The following FHIT variants were observed in gnomAD, a reference collection of about 807,000 sequenced individuals.
FHIT encodes the protein fragile histidine triad diadenosine triphosphatase.
In FHIT, 19 loss-of-function variants were observed where a neutral mutation model predicts 17.9. The ratio of observed to expected loss-of-function variants is 1.06; its 90% CI spans 0.74 to 1.56. The LOEUF is 1.56. FHIT is among the 40% of genes most tolerant of loss of function. The pLI is 0.00. For synonymous variants in FHIT, 81 were observed against 69.7 expected, an observed-to-expected ratio of 1.16 and a Z score of -0.81; for missense variants, 248 against 189.2, an observed-to-expected ratio of 1.31 and a Z score of -1.82.
At chr3:60,096,504 T>C (rs1469510535) in intron 5 of FHIT, among the ~76,000 whole-genome samples, 1 of 152,136 alleles carries the variant, frequency 6.6e-6, no homozygotes, top group East Asian at 1.9e-4. Context: ...GGACCAGCAG[T>C]CTGGTCTTTC....
At chr3:60,484,442 A>T (rs2033749626) in intron 5 of FHIT, among the ~76,000 whole-genome samples, 1 of 152,200 alleles carries the variant, frequency 6.6e-6, no homozygotes, top group South Asian at 2.1e-4. Context: ...ACAGTAACCA[A>T]AACAGCATGG....
At chr3:60,789,175 T>TATATATATAGAGAG (rs1433649739) in intron 4 of FHIT, among the ~76,000 whole-genome samples, 2 of 102,636 alleles carry the variant, frequency 1.9e-5, no homozygotes, top group African/African-American at 6.9e-5. Flanking sequence ...TATATATATA[T>TATATATATAGAGAG]AGAGAGAGAG....
chr3:59,874,354 A>C (rs1044139242), intron 8 of FHIT, among the ~76,000 whole-genome samples: 3 of 152,236 alleles, frequency 2.0e-5, no homozygotes, highest in Non-Finnish European at 4.4e-5. Flanking sequence ...AAATTGATCC[A>C]TAATTTCGAC....
chr3:59,815,916 C>T (rs539287101), intron 8 of FHIT, among the ~76,000 whole-genome samples: 8 of 152,098 alleles, frequency 5.3e-5, no homozygotes, highest in African/African-American at 1.9e-4. Flanking sequence ...TCAGCTAGAG[C>T]CAAGCAGAAA....
chr3:60,266,385 G>A (rs114929789), intron 5 of FHIT, among the ~76,000 whole-genome samples: 35 of 152,134 alleles, frequency 2.3e-4, no homozygotes, highest in African/African-American at 8.2e-4. Context: ...AATGCCCAGG[G>A]CCGCGGAGGG....
chr3:60,247,421 A>T (rs1315594209), intron 5 of FHIT, among the ~76,000 whole-genome samples: 1 of 145,174 alleles, frequency 6.9e-6, no homozygotes, highest in Non-Finnish European at 1.6e-5. Context: ...AGAAGGAAGA[A>T]GATGATGAAG....
At chr3:60,580,667 C>T (rs1430666954) in intron 4 of FHIT, among the ~76,000 whole-genome samples, 2 of 151,914 alleles carry the variant, frequency 1.3e-5, no homozygotes, top group Non-Finnish European at 2.9e-5. Flanking sequence ...ATTAAAAATC[C>T]CAAGTTTGAG....
chr3:60,381,711 C>A (rs574126098), intron 5 of FHIT, among the ~76,000 whole-genome samples: 107 of 152,220 alleles, frequency 7.0e-4, no homozygotes, highest in African/African-American at 2.5e-3. Flanking sequence ...TTTCTAGTAT[C>A]AACTGGTATA....
At chr3:60,376,374 A>G (rs1700563262) in intron 5 of FHIT, among the ~76,000 whole-genome samples, 1 of 152,236 alleles carries the variant, frequency 6.6e-6, no homozygotes, top group Non-Finnish European at 1.5e-5. Flanking sequence ...GAAGACTGGA[A>G]TACTGTTTAC....
intron 5 of FHIT, among the ~76,000 whole-genome samples, chr3:60,162,546 G>C (rs1425575994): frequency 6.6e-6 from 1 of 152,146 alleles, no homozygotes; most frequent in African/African-American, 2.4e-5. Flanking sequence ...GTTTTCTTCT[G>C]ATAGTGCTAT....
At chr3:60,466,388 T>G (rs2032793638) in intron 5 of FHIT, among the ~76,000 whole-genome samples, 4 of 152,222 alleles carry the variant, frequency 2.6e-5, no homozygotes, top group Admixed American at 6.5e-5. Context: ...GTCTGATTTC[T>G]CTAGCTATGA....
chr3:60,557,048 A>G (rs565812927), intron 4 of FHIT, among the ~76,000 whole-genome samples: 1 of 152,360 alleles, frequency 6.6e-6, no homozygotes, highest in African/African-American at 2.4e-5. Context: ...TTTGTTAACC[A>G]TACTAATAAG....
intron 5 of FHIT, among the ~76,000 whole-genome samples, chr3:60,335,558 C>T (rs1394956065): frequency 4.6e-5 from 7 of 152,216 alleles, no homozygotes; most frequent in South Asian, 4.1e-4. Context: ...ACAGTGTATG[C>T]GGTTCAGGAG....
chr3:61,049,065 T>C (rs1173300358), intron 2 of FHIT, among the ~76,000 whole-genome samples: 1 of 151,968 alleles, frequency 6.6e-6, no homozygotes, highest in Non-Finnish European at 1.5e-5. Flanking sequence ...ACATGGTACA[T>C]GTATACATAT....
intron 4 of FHIT, among the ~76,000 whole-genome samples, chr3:60,569,757 T>TATATATATATATATA (rs1449802542): frequency 9.2e-5 from 2 of 21,702 alleles, no homozygotes; most frequent in Admixed American, 3.7e-4. Flanking sequence ...ATATATATAT[T>TATATATATATATATA]TTTTTTTTTT....
intron 5 of FHIT, among the ~76,000 whole-genome samples, chr3:60,066,537 C>G (rs373337043): frequency 1.3e-5 from 2 of 151,372 alleles, no homozygotes; most frequent in East Asian, 3.9e-4. Context: ...CCCGCCCTCT[C>G]AAAACGCCAA....
intron 3 of FHIT, among the ~76,000 whole-genome samples, chr3:60,946,108 G>A (rs146792275): frequency 6.6e-6 from 1 of 152,286 alleles, no homozygotes; most frequent in East Asian, 1.9e-4. Context: ...GCTGAGCAAG[G>A]AGGAAAGTGA....
At chr3:60,243,019 G>C (rs1178976389) in intron 5 of FHIT, among the ~76,000 whole-genome samples, 1 of 150,828 alleles carries the variant, frequency 6.6e-6, no homozygotes, top group Non-Finnish European at 1.5e-5. Flanking sequence ...CCTTGAATCA[G>C]CGTTCTCATT....
At chr3:60,535,300 A>C (rs1220342817) in intron 5 of FHIT, among the ~76,000 whole-genome samples, 3 of 152,192 alleles carry the variant, frequency 2.0e-5, no homozygotes, top group Admixed American at 6.5e-5. Flanking sequence ...GAATTTAGAC[A>C]AATGGATCTT....
Sources: gnomAD v4.1 joint callset for allele counts (sites outside exome capture counted in the v4.1 genomes callset) on GRCh38, gnomAD v4.1.1 for gene constraint, MANE v1.5 for transcripts, NCBI Gene and HGNC (gene_info 2026-07-23, HGNC 2026-07-21) for gene names.